Variants in KCNN2 observed in about 807,000 individuals in gnomAD.
KCNN2 encodes potassium calcium-activated channel subfamily N member 2.
Under a neutral mutation model 55.5 loss-of-function variants are expected in KCNN2, and 24 were observed. That is an observed-to-expected ratio of 0.43 (90% confidence interval 0.31 to 0.61). KCNN2 has a LOEUF of 0.61. KCNN2 is among the 20% of genes least tolerant of loss of function. The pLI is 0.08. For synonymous variants in KCNN2, 431 were observed against 336.1 expected (o/e 1.28, Z -3.09); for missense variants, 754 against 853.6 (o/e 0.88, Z 1.45).
rs140583251 is a variant in KCNN2, at chr5:114,250,646, A to G, written c.-185+29081A>G. Among the ~76,000 whole-genome samples the G allele has an allele frequency of 2.3e-4, 35 of 152,320 alleles. No individual in the cohort carries two copies. In the East Asian group the frequency reaches 5.8e-3, roughly 25 times the overall value. ...AGGAGATAGCTCGTAATTGGGTCCTATAAGTGATGTAATGAAGTCTATGGC... is the reference window on the plus strand; with the variant it reads ...AGGAGATAGCTCGTAATTGGGTCCTGTAAGTGATGTAATGAAGTCTATGGC... On this transcript the variant is annotated intron_variant, in intron 2 of 10. Transcript: ENST00000512097.
intron 2 of KCNN2, among the ~76,000 whole-genome samples, chr5:114,344,420 G>C (rs1757072092): frequency 6.6e-6 from 1 of 152,156 alleles, no homozygotes; most frequent in Non-Finnish European, 1.5e-5. Flanking sequence ...TATGTCCTCT[G>C]GATGTGTTAC....
At chr5:114,383,911 A>G (rs531596017) in intron 2 of KCNN2, among the ~76,000 whole-genome samples, 113 of 152,354 alleles carry the variant, frequency 7.4e-4, no homozygotes, top group African/African-American at 2.5e-3. Flanking sequence ...AAAATAACTA[A>G]TATGTATCAC....
At chr5:114,446,625 T>G (rs1420824561) in intron 3 of KCNN2, among the ~76,000 whole-genome samples, 1 of 151,998 alleles carries the variant, frequency 6.6e-6, no homozygotes, top group Non-Finnish European at 1.5e-5. Flanking sequence ...GCCCGGCTAA[T>G]TTTTGTAATT....
intron 2 of KCNN2, among the ~76,000 whole-genome samples, chr5:114,291,571 T>C (rs1755889211): frequency 6.6e-6 from 1 of 152,170 alleles, no homozygotes; most frequent in Non-Finnish European, 1.5e-5. Context: ...TGCCACATTT[T>C]CCTAATCCAG....
chr5:114,443,807 A>C (rs1760303025), intron 3 of KCNN2, among the ~76,000 whole-genome samples: 1 of 152,192 alleles, frequency 6.6e-6, no homozygotes, highest in African/African-American at 2.4e-5. Flanking sequence ...AAGCAGCCTG[A>C]ACGTGTGTTT....
chr5:114,116,229 G>T (rs1417358777), intron 1 of KCNN2, among the ~76,000 whole-genome samples: 1 of 152,054 alleles, frequency 6.6e-6, no homozygotes, highest in Non-Finnish European at 1.5e-5. Flanking sequence ...AAACCAGAGG[G>T]TCATTGCCAG....
At chr5:114,353,303 C>T (rs1003005611) in intron 2 of KCNN2, among the ~76,000 whole-genome samples, 1 of 151,382 alleles carries the variant, frequency 6.6e-6, no homozygotes, top group African/African-American at 2.4e-5. Flanking sequence ...TTTTCTGGTC[C>T]TCTTCATTTC....
At chr5:114,408,623 G>C (rs948498278) in intron 3 of KCNN2, among the ~76,000 whole-genome samples, 1 of 151,988 alleles carries the variant, frequency 6.6e-6, no homozygotes, top group Non-Finnish European at 1.5e-5. Context: ...ATAAAGATAA[G>C]CCCTAATTAA....
chr5:114,412,691 C>T (rs1420523075), intron 3 of KCNN2, among the ~76,000 whole-genome samples: 1 of 152,152 alleles, frequency 6.6e-6, no homozygotes, highest in Non-Finnish European at 1.5e-5. Flanking sequence ...TCAGGAGAGT[C>T]ACCCAGAGGC....
chr5:114,247,444 A>T (rs1194852030), intron 2 of KCNN2, among the ~76,000 whole-genome samples: 3 of 152,156 alleles, frequency 2.0e-5, no homozygotes, highest in Admixed American at 1.3e-4. Context: ...CTCTTGTTTC[A>T]TTACTGGCAA....
chr5:114,213,599 T>C (rs1431886791), intron 1 of KCNN2, among the ~76,000 whole-genome samples: 4 of 152,190 alleles, frequency 2.6e-5, no homozygotes, highest in African/African-American at 9.6e-5. Flanking sequence ...AAAATCTATT[T>C]CCTTCAAACT....
At chr5:114,427,601 C>T (rs1759667358) in intron 3 of KCNN2, among the ~76,000 whole-genome samples, 1 of 152,230 alleles carries the variant, frequency 6.6e-6, no homozygotes, top group South Asian at 2.1e-4. Flanking sequence ...GATAAAAGCA[C>T]TATACAAGAA....
chr5:114,365,459 C>T (rs1035038592), intron 2 of KCNN2, among the ~76,000 whole-genome samples: 2 of 152,224 alleles, frequency 1.3e-5, no homozygotes, highest in African/African-American at 4.8e-5. Context: ...TTCATTTTGA[C>T]TTGAAGAGTA....
chr5:114,215,427 A>G (rs1436463577), intron 1 of KCNN2, among the ~76,000 whole-genome samples: 2 of 152,132 alleles, frequency 1.3e-5, no homozygotes, highest in African/African-American at 4.8e-5. Context: ...TGTGAAACAT[A>G]TTCCTTATAC....
At chr5:114,082,081 C>T (rs1361575267) in intron 1 of KCNN2, among the ~76,000 whole-genome samples, 1 of 152,008 alleles carries the variant, frequency 6.6e-6, no homozygotes, top group Non-Finnish European at 1.5e-5. Context: ...ATGCTCAAGG[C>T]GGGATACCTA....
chr5:114,425,377 A>G (rs528583527), intron 3 of KCNN2, among the ~76,000 whole-genome samples: 72 of 152,258 alleles, frequency 4.7e-4, no homozygotes, highest in Middle Eastern at 3.4e-3. Flanking sequence ...GGACTGTGCT[A>G]ATTTCTGGAC....
intron 2 of KCNN2, among the ~76,000 whole-genome samples, chr5:114,276,547 C>T (rs995732734): frequency 6.6e-6 from 1 of 151,960 alleles, no homozygotes; most frequent in Non-Finnish European, 1.5e-5. Flanking sequence ...GGATAGTTAG[C>T]TCTTTTTGTT....
chr5:114,074,588 T>C (rs1167489340), intron 1 of KCNN2, among the ~76,000 whole-genome samples: 1 of 152,168 alleles, frequency 6.6e-6, no homozygotes, highest in Non-Finnish European at 1.5e-5. Context: ...CTAGGGGCAA[T>C]GAGACTGACC....
At chr5:114,483,632 A>G (rs1262272192) in intron 5 of KCNN2, among the ~76,000 whole-genome samples, 1 of 151,800 alleles carries the variant, frequency 6.6e-6, no homozygotes, top group Non-Finnish European at 1.5e-5. Flanking sequence ...AAAATTATTG[A>G]TATGTCTTCT....
Sources: gnomAD v4.1 joint callset for allele counts (sites outside exome capture counted in the v4.1 genomes callset) on GRCh38, gnomAD v4.1.1 for gene constraint, MANE v1.5 for transcripts, NCBI Gene and HGNC (gene_info 2026-07-23, HGNC 2026-07-21) for gene names.